Variants in DOCK8 observed in about 807,000 individuals in gnomAD.
The protein encoded by DOCK8 is dedicator of cytokinesis protein 8.
DOCK8 carries 141 observed loss-of-function variants against 245.6 expected under a neutral mutation model. That is an observed-to-expected ratio of 0.57 (90% CI 0.50 to 0.66). DOCK8 has a LOEUF of 0.66. Ranked by LOEUF, DOCK8 falls within the 30% of genes least tolerant of loss-of-function variation. The probability of loss-of-function intolerance (pLI) is 0.00; values close to 1 mark genes in which losing one functional copy is unlikely to be tolerated. For synonymous variants in DOCK8, 1,168 were observed against 970.2 expected (o/e 1.20, Z -3.79); for missense variants, 2,965 against 2,603.4 (o/e 1.14, Z -3.02).
chr9:264,386 A>G (rs914968625), intron 1 of DOCK8, among the ~76,000 whole-genome samples: 15 of 152,352 alleles, frequency 9.8e-5, no homozygotes, highest in African/African-American at 3.4e-4. Flanking sequence ...AGGAAGAAAC[A>G]TAAGTTCCAT....
At chr9:458,655 C>CA (rs900427704) in intron 46 of DOCK8, among the ~76,000 whole-genome samples, 1 of 151,648 alleles carries the variant, frequency 6.6e-6, no homozygotes, top group African/African-American at 2.4e-5. Flanking sequence ...ACAAAAAATA[C>CA]AAAAAAAATT....
chr9:326,976 C>G (rs187556651), intron 8 of DOCK8, among the ~76,000 whole-genome samples: 4 of 152,162 alleles, frequency 2.6e-5, no homozygotes, highest in Admixed American at 6.5e-5. Flanking sequence ...TTAAGTAATA[C>G]GACACTAAGA....
chr9:424,478 C>T (rs771990000), intron 33 of DOCK8, among the ~76,000 whole-genome samples: 60 of 152,116 alleles, frequency 3.9e-4, no homozygotes, highest in Non-Finnish European at 5.6e-4. Flanking sequence ...GGCACAATCA[C>T]AGCTCACTGC....
intron 4 of DOCK8, among the ~76,000 whole-genome samples, chr9:303,037 T>C (rs1354627520): frequency 6.6e-6 from 1 of 151,676 alleles, no homozygotes; most frequent in Non-Finnish European, 1.5e-5. Context: ...GGCGTGTACC[T>C]ATACTCTCAC....
At chr9:282,297 A>G (rs1428426328) in intron 2 of DOCK8, among the ~76,000 whole-genome samples, 1 of 150,396 alleles carries the variant, frequency 6.6e-6, no homozygotes, top group Non-Finnish European at 1.5e-5. Context: ...GTCAGCCATC[A>G]TTTTCTCCCT....
rs201756610 is a variant in DOCK8, at chr9:286,889, CAAG to C, written c.332+255_332+257del. Among the ~76,000 whole-genome samples, 2,877 of 152,284 alleles carry C rather than the reference CAAG, an allele frequency of 0.019. 36 individuals carry two copies. The highest frequency in any genetic ancestry group is 0.026 in the Non-Finnish European group (1,780 of 68,030). On this transcript the variant is annotated intron_variant, in intron 3 of 47. Transcript: ENST00000432829. ...ATGCAGGAGGACCAAATGAAATGCTCAAGAGGAGGTTAAAAGTGCAGGCTCTGG... is the reference window on the plus strand; with the variant it reads ...ATGCAGGAGGACCAAATGAAATGCTCAGGAGGTTAAAAGTGCAGGCTCTGG...
intron 8 of DOCK8, among the ~76,000 whole-genome samples, chr9:326,279 C>G (rs148385033): frequency 6.6e-6 from 1 of 152,314 alleles, no homozygotes; most frequent in African/African-American, 2.4e-5. Context: ...GTAGGATGGA[C>G]ACTTCTGCCC....
chr9:290,711 C>A (rs2049003231), intron 4 of DOCK8, among the ~76,000 whole-genome samples: 1 of 152,184 alleles, frequency 6.6e-6, no homozygotes, highest in Non-Finnish European at 1.5e-5. Flanking sequence ...GATTAGGGCA[C>A]ACCCCACTAG....
intron 14 of DOCK8, among the ~76,000 whole-genome samples, chr9:352,759 C>G (rs1459562893): frequency 2.0e-5 from 1 of 49,802 alleles, no homozygotes; most frequent in Non-Finnish European, 5.3e-5. Flanking sequence ...AGTGCCGATA[C>G]TTTATATATC....
chr9:317,444 A>G (rs893274373), intron 7 of DOCK8, among the ~76,000 whole-genome samples: 1 of 152,184 alleles, frequency 6.6e-6, no homozygotes, highest in Non-Finnish European at 1.5e-5. Flanking sequence ...GCTGGAGTCG[A>G]CTGTACTAAC....
At position 386,392 on chromosome 9, in the gene DOCK8, G is replaced by A. The variant is rs1401118699; in HGVS notation, c.2840G>A (p.Ser947Asn). ...TGCTCTGGCAGTAGTGATGCTCCAAGTTCACCTGCAGCCCCAAGGCCAGCC... is the reference window on the plus strand; with the variant it reads ...TGCTCTGGCAGTAGTGATGCTCCAAATTCACCTGCAGCCCCAAGGCCAGCC... ...YYCSGSSDAP[S>N]SPAAPRPASK... Residue 947 changes from serine (S) to asparagine (N), a missense_variant, in exon 23 of 48, where the codon AGT becomes AAT. Ser to Asn is a conservative substitution (Grantham distance 46). Coordinates refer to ENST00000432829, the MANE Select transcript of DOCK8 (RefSeq NM_203447.4). The A allele has an allele frequency of 6.2e-7, 1 of 1,613,800 alleles. No individual in the cohort carries two copies. Among genetic ancestry groups the A allele is most frequent in the Non-Finnish European group, 8.5e-7 (1 of 1,179,902 alleles).
chr9:276,841 C>T (rs947179442), intron 2 of DOCK8, among the ~76,000 whole-genome samples: 2 of 152,174 alleles, frequency 1.3e-5, no homozygotes, highest in Admixed American at 6.5e-5. Flanking sequence ...CAGGGCCTTG[C>T]TCTGTCGCCC....
chr9:388,597 C>A (rs1264956144), intron 23 of DOCK8, among the ~76,000 whole-genome samples: 4 of 151,906 alleles, frequency 2.6e-5, no homozygotes, highest in Non-Finnish European at 5.9e-5. Context: ...CTCTGTCACC[C>A]AGGCTGGAGT....
chr9:214,550 G>C (rs1242230930), upstream of DOCK8: 3 of 1,613,614 alleles, frequency 1.9e-6, no homozygotes, highest in Non-Finnish European at 2.5e-6. Context: ...CCAGCTTTGT[G>C]GGGCTCCCCC....
rs1162847133 is a variant in DOCK8 at position 422,079 on chromosome 9, T to G, written c.4185T>G (p.Asn1395Lys). The G allele has an allele frequency of 6.2e-7, 1 of 1,614,070 alleles. No homozygotes were observed. Among genetic ancestry groups the G allele is most frequent in the Admixed American group, 1.7e-5 (1 of 60,022 alleles). ...GNDRFPGLNE[N>K]LRWKKEQTHW... Reference sequence around the variant, plus strand: ...ACCGATTTCCAGGCCTAAATGAAAATTTGAGATGGAAGAAAGAGCAGACAC... The same window carrying G: ...ACCGATTTCCAGGCCTAAATGAAAAGTTGAGATGGAAGAAAGAGCAGACAC... The change falls in exon 33 of 48, where the codon AAT becomes AAG. Residue 1395 changes from asparagine to lysine, a missense_variant. This residue lies in a region of DOCK8 where 2,825 missense variants were observed against 2,453.5 expected (regional missense o/e 1.15). Coordinates refer to ENST00000432829, the MANE Select transcript of DOCK8 (RefSeq NM_203447.4).
chr9:279,214 A>G (rs192142606), intron 2 of DOCK8, among the ~76,000 whole-genome samples: 31 of 152,312 alleles, frequency 2.0e-4, no homozygotes, highest in African/African-American at 7.0e-4. Context: ...TATGGAAGGT[A>G]TGGGAAGAGC....
rs567245617 is a variant in DOCK8 at position 260,304 on chromosome 9, A to T, written c.54-11323A>T. Among the ~76,000 whole-genome samples the T allele has an allele frequency of 7.2e-5, 11 of 152,304 alleles. No individual in the cohort carries two copies. The East Asian group carries it at 2.1e-3, about 29-fold the overall frequency. On this transcript the variant is annotated intron_variant, in intron 1 of 47. Coordinates refer to ENST00000432829, the MANE Select transcript of DOCK8 (RefSeq NM_203447.4). ...TTACAGTTACCCTGTAAACAAAGGG[A>T]TTAACTTTACTAGATAGCAACTTCC...
chr9:231,943 G>A (rs2047128002), intron 1 of DOCK8, among the ~76,000 whole-genome samples: 1 of 152,148 alleles, frequency 6.6e-6, no homozygotes, highest in African/African-American at 2.4e-5. Flanking sequence ...TGTTGAATAG[G>A]AGGTGAGAGA....
intron 25 of DOCK8, 108 bp downstream of exon 25, chr9:397,042 C>G: frequency 1.5e-6 from 2 of 1,291,898 alleles, no homozygotes; most frequent in Non-Finnish European, 2.2e-6. Flanking sequence ...TAAAATATAA[C>G]TGTAATGACA....
Sources: gnomAD v4.1 joint callset for allele counts (sites outside exome capture counted in the v4.1 genomes callset) on GRCh38, gnomAD v4.1.1 for gene constraint, gnomAD v4.1.1 regional missense constraint, MANE v1.5 for transcripts, NCBI Gene and HGNC (gene_info 2026-07-23, HGNC 2026-07-21) for gene names.